B3GNT5: variants seen among roughly 807,000 people sequenced by gnomAD.
B3GNT5 encodes lactosylceramide 1,3-N-acetyl-beta-D-glucosaminyltransferase.
A neutral mutation model predicts 25.9 loss-of-function variants in B3GNT5; 11 were observed. The observed-to-expected ratio is 0.42, with a 90% CI of 0.27 to 0.70. B3GNT5 has a LOEUF of 0.70. B3GNT5 is among the 30% of genes least tolerant of loss of function. The pLI is 0.23. For synonymous variants in B3GNT5, 166 were observed against 158.6 expected (o/e 1.05, Z -0.35); for missense variants, 385 against 458.4 (o/e 0.84, Z 1.46).
chr3:183,256,353 C>A (rs548370812), intron 1 of B3GNT5, among the ~76,000 whole-genome samples: 1 of 152,146 alleles, frequency 6.6e-6, no homozygotes, highest in African/African-American at 2.4e-5. Context: ...TATGCAATAT[C>A]TAATTATTAT....
At chr3:183,254,745 C>T (rs530805074) in intron 1 of B3GNT5, 1 of 152,420 alleles carries the variant, frequency 6.6e-6, no homozygotes, top group South Asian at 2.1e-4. Flanking sequence ...AAGAAACCGC[C>T]AACCTGAGAA....
chr3:183,266,885 C>G (rs1167092633), intron 1 of B3GNT5, among the ~76,000 whole-genome samples: 1 of 151,400 alleles, frequency 6.6e-6, no homozygotes, highest in Non-Finnish European at 1.5e-5. Flanking sequence ...CTTCCTGATT[C>G]AAGTGATTCT....
At chr3:183,258,663 T>C (rs142663976) in intron 1 of B3GNT5, among the ~76,000 whole-genome samples, 178 of 151,800 alleles carry the variant, frequency 1.2e-3, no homozygotes, top group Non-Finnish European at 2.0e-3. Context: ...CTGATATCCA[T>C]GCATGCTCAA....
chr3:183,272,753 G>A lies in B3GNT5; in HGVS notation c.*1818G>A. Reference sequence around the variant, plus strand: ...TATAATTAATTTTTATTAGTTGATTGATTAATGATGTATTGCCTTTTGCCC... The same window carrying A: ...TATAATTAATTTTTATTAGTTGATTAATTAATGATGTATTGCCTTTTGCCC... On this transcript the variant is annotated 3_prime_UTR_variant, in exon 2 of 2. Transcript: ENST00000326505. The A allele has an allele frequency of 9.4e-7, 1 of 1,069,238 alleles. No individual in the cohort carries two copies. The highest frequency in any genetic ancestry group is 1.1e-6 in the Non-Finnish European group (1 of 875,368). 66.2% of individuals were successfully genotyped at this position (1,069,238 alleles called of 1,614,324 possible).
At chr3:183,255,345 C>T (rs879480645) in intron 1 of B3GNT5, among the ~76,000 whole-genome samples, 13 of 152,222 alleles carry the variant, frequency 8.5e-5, no homozygotes, top group Non-Finnish European at 1.6e-4. Context: ...TCTATCTGGT[C>T]ACAAGTGAGG....
rs76125239 is a variant in B3GNT5, at chr3:183,264,094, A to G, written c.-301-5404A>G. On this transcript the variant is annotated intron_variant, in intron 1 of 1. Transcript: ENST00000326505. ...ATAAATACTGAGCAAGGGAGTTACT[A>G]TAACAAACAAAACCAGAAATTTCTA... is the stretch of plus-strand genomic sequence containing the variant. Among the ~76,000 whole-genome samples, 783 of 152,312 alleles carry G rather than the reference A, an allele frequency of 5.1e-3. 5 individuals carry two copies. Among genetic ancestry groups the G allele is most frequent in the Non-Finnish European group, 7.6e-3 (519 of 68,028 alleles).
intron 1 of B3GNT5, among the ~76,000 whole-genome samples, chr3:183,264,391 A>C (rs966860929): frequency 1.3e-5 from 2 of 152,206 alleles, no homozygotes; most frequent in African/African-American, 2.4e-5. Context: ...ATGCAGACAC[A>C]CTGTACCTTA....
Position 183,270,757 on chromosome 3 carries a change from T to C in B3GNT5, c.959T>C (p.Met320Thr). Reference protein sequence around the residue: ...PYHPCIYEKMMTSHGHLEDLQ... With the variant: ...PYHPCIYEKMTTSHGHLEDLQ... ...CATCCCTGCATCTATGAAAAAATGA[T>C]GACATCTCATGGACACTTAGAAGAT... Residue 320 changes from methionine (M) to threonine (T), a missense_variant, in exon 2 of 2, where the codon ATG becomes ACG. Coordinates refer to ENST00000326505, the MANE Select transcript of B3GNT5 (RefSeq NM_032047.5). The surrounding 1 kb of genome is among the most constrained non-coding windows in gnomAD (Gnocchi z 4.5). The C allele has an allele frequency of 1.2e-6, 2 of 1,613,726 alleles. No individual in the cohort carries two copies. The highest frequency in any genetic ancestry group is 1.7e-6 in the Non-Finnish European group (2 of 1,179,910).
Position 183,273,324 on chromosome 3 carries a change from T to A in B3GNT5, c.*2389T>A, listed in dbSNP as rs1726946683. 2 of 267,802 alleles carry A rather than the reference T, an allele frequency of 7.5e-6. No individual in the cohort carries two copies. Among genetic ancestry groups the A allele is most frequent in the Non-Finnish European group, 1.5e-5 (2 of 134,522 alleles). The allele number at this position is 267,802 out of a possible 1,614,324, so 16.6% of individuals were successfully genotyped here. A position where few individuals can be genotyped will look rare whatever the true frequency, so the allele number is the denominator to read the frequency against. On this transcript the variant is annotated 3_prime_UTR_variant, in exon 2 of 2. Transcript: ENST00000326505. Reference sequence around the variant, plus strand: ...GTATTACTTGAATTTTGCTCTTGTATGGCAAAATAATTAGTGAGTTTAAAA... The same window carrying A: ...GTATTACTTGAATTTTGCTCTTGTAAGGCAAAATAATTAGTGAGTTTAAAA...
intron 1 of B3GNT5, among the ~76,000 whole-genome samples, chr3:183,258,054 G>A (rs764107374): frequency 8.2e-5 from 10 of 122,636 alleles, no homozygotes; most frequent in African/African-American, 2.7e-4. Flanking sequence ...CGCAACCTCC[G>A]CCTCCTGGGT....
rs1379049571 is a variant in B3GNT5, at chr3:183,271,240, TAAG to T, written c.*309_*311del. The T allele has an allele frequency of 4.7e-6, 1 of 210,668 alleles. No homozygotes were observed. The highest frequency in any genetic ancestry group is 2.3e-5 in the African/African-American group (1 of 43,004). 13.0% of individuals were successfully genotyped at this position (210,668 alleles called of 1,614,324 possible). On this transcript the variant is annotated 3_prime_UTR_variant, in exon 2 of 2. Transcript: ENST00000326505. ...TATACTTGAGGTGTAGAGATGTTAT[TAAG>T]AAGTTTTGATGTTAGAATAATTGCT...
At position 183,272,694 on chromosome 3, in the gene B3GNT5, G is replaced by A. The variant is rs969933436; in HGVS notation, c.*1759G>A. ...TTTTCTGACCAATTAAAAAAACATA[G>A]AGAACAAAAGCATATTTGACCAAGC... On this transcript the variant is annotated 3_prime_UTR_variant, in exon 2 of 2. Transcript: ENST00000326505. 3.0e-6 allele frequency: 3 copies of A among 1,010,050 alleles called. No individual in the cohort carries two copies. In the African/African-American group the frequency reaches 5.2e-5, roughly 18 times the overall value. 62.6% of individuals were successfully genotyped at this position (1,010,050 alleles called of 1,614,324 possible).
chr3:183,271,005 C>T lies in B3GNT5; in HGVS notation c.*70C>T, dbSNP rs1726724841. ...TGGATGAAAAAAACCTTTAAATGTTCGTCTATACCCTAAGTAAAATGAGGA... is the reference window on the plus strand; with the variant it reads ...TGGATGAAAAAAACCTTTAAATGTTTGTCTATACCCTAAGTAAAATGAGGA... On this transcript the variant is annotated 3_prime_UTR_variant, in exon 2 of 2. Coordinates refer to ENST00000326505, the MANE Select transcript of B3GNT5 (RefSeq NM_032047.5). 1.6e-5 allele frequency: 22 copies of T among 1,362,640 alleles called. No individual in the cohort carries two copies. The highest frequency in any genetic ancestry group is 3.1e-5 in the South Asian group (2 of 64,604). 84.4% of individuals were successfully genotyped at this position (1,362,640 alleles called of 1,614,324 possible).
At position 183,267,214 on chromosome 3, in the gene B3GNT5, A is replaced by T. The variant is rs533583803; in HGVS notation, c.-301-2284A>T. On this transcript the variant is annotated intron_variant, in intron 1 of 1. Transcript: ENST00000326505. The surrounding 1 kb of genome is among the most constrained non-coding windows in gnomAD (Gnocchi z 5.5). ...ACTACTCTCAGTACACTCTGTATTT[A>T]AAAAAAAAAATGCTGGTTGTGGCTT... Among the ~76,000 whole-genome samples the T allele has an allele frequency of 4.2e-5, 6 of 141,364 alleles. No homozygotes were observed. The highest frequency in any genetic ancestry group is 7.5e-5 in the Non-Finnish European group (5 of 66,724). The allele number at this position is 141,364 out of a possible 152,430, so 92.7% of individuals were successfully genotyped here.
intron 1 of B3GNT5, among the ~76,000 whole-genome samples, chr3:183,268,457 TAGA>T (rs1055036888): frequency 1.6e-4 from 24 of 151,442 alleles, no homozygotes; most frequent in Admixed American, 9.8e-4. Context: ...AAGAGAGATT[TAGA>T]AGAAGTGATT....
At chr3:183,264,659 G>A (rs574570091) in intron 1 of B3GNT5, among the ~76,000 whole-genome samples, 3 of 152,210 alleles carry the variant, frequency 2.0e-5, no homozygotes, top group South Asian at 2.1e-4. Flanking sequence ...ACTTCAAAAC[G>A]GATAGCAGGT....
chr3:183,253,288 A>G lies in B3GNT5; in HGVS notation c.-486A>G, dbSNP rs1724682812. The G allele has an allele frequency of 7.2e-6, 1 of 138,512 alleles. No homozygotes were observed. Among genetic ancestry groups the G allele is most frequent in the Admixed American group, 7.2e-5 (1 of 13,928 alleles). The allele number at this position is 138,512 out of a possible 1,614,324, so 8.6% of individuals were successfully genotyped here. On this transcript the variant is annotated 5_prime_UTR_variant, in exon 1 of 2. Transcript: ENST00000326505. Reference sequence around the variant, plus strand: ...CGCATCCCGCCGGGGAAGCGAGCCCAGTCCAGCGCTGCCCGTCCAGTCCTC... The same window carrying G: ...CGCATCCCGCCGGGGAAGCGAGCCCGGTCCAGCGCTGCCCGTCCAGTCCTC...
chr3:183,256,109 G>T (rs1725023343), intron 1 of B3GNT5, among the ~76,000 whole-genome samples: 3 of 152,228 alleles, frequency 2.0e-5, no homozygotes. Context: ...ATATGCTGAA[G>T]TAAATAGATC....
rs766500275 is a variant in B3GNT5 at position 183,270,920 on chromosome 3, G to T, written c.1122G>T (p.Arg374Ser). ...GCTATGTGGACACATACCCTTGTAG[G>T]GCTGCGTTTATCTAATAGTACTTGA... is the stretch of plus-strand genomic sequence containing the variant. ...KISYVDTYPC[R>S]AAFI The change falls in exon 2 of 2, where the codon AGG becomes AGT. Residue 374 changes from arginine (R) to serine (S), a missense_variant. Physicochemically the swap from Arg to Ser is moderately radical, Grantham distance 110. Coordinates refer to ENST00000326505, the MANE Select transcript of B3GNT5 (RefSeq NM_032047.5). This position sits in a 1 kb window ranked among gnomAD's most constrained non-coding sequence, Gnocchi z 4.5. The T allele has an allele frequency of 3.8e-6, 6 of 1,579,096 alleles. No individual in the cohort carries two copies. In the South Asian group the frequency reaches 7.1e-5, roughly 19 times the overall value.
Sources: allele counts gnomAD v4.1 joint callset (sites outside exome capture counted in the v4.1 genomes callset), GRCh38; gene constraint gnomAD v4.1.1; non-coding constraint Gnocchi (gnomAD v3.1); transcripts MANE v1.5; gene names NCBI Gene and HGNC (gene_info 2026-07-23, HGNC 2026-07-21).